CAMK2D: variants seen among roughly 807,000 people sequenced by gnomAD.
CAMK2D encodes the protein calcium/calmodulin-dependent protein kinase type II subunit delta.
CAMK2D carries 37 observed loss-of-function variants against 84.0 expected under a neutral mutation model. That is an observed-to-expected ratio of 0.44 (90% CI 0.34 to 0.58). The LOEUF (loss-of-function observed/expected upper bound fraction) is 0.58. CAMK2D is among the 20% of genes least tolerant of loss of function. The probability of loss-of-function intolerance (pLI) is 0.02; values close to 1 mark genes in which losing one functional copy is unlikely to be tolerated. For synonymous variants in CAMK2D, 202 were observed against 212.5 expected, an observed-to-expected ratio of 0.95 and a Z score of 0.43; for missense variants, 448 against 652.5, an observed-to-expected ratio of 0.69 and a Z score of 3.41.
At chr4:113,616,858 T>C (rs1262293505) in intron 3 of CAMK2D, among the ~76,000 whole-genome samples, 1 of 152,200 alleles carries the variant, frequency 6.6e-6, no homozygotes, top group African/African-American at 2.4e-5. Context: ...CTTTGTTTTC[T>C]TTGAAAAATA....
chr4:113,503,839 A>C (rs1274416375), intron 14 of CAMK2D, among the ~76,000 whole-genome samples: 1 of 152,216 alleles, frequency 6.6e-6, no homozygotes, highest in Non-Finnish European at 1.5e-5. Flanking sequence ...ATATGCATAC[A>C]TCAGTGACAT....
chr4:113,756,392 CAG>C (rs1479415589), intron 2 of CAMK2D, among the ~76,000 whole-genome samples: 1 of 151,926 alleles, frequency 6.6e-6, no homozygotes, highest in African/African-American at 2.4e-5. Context: ...CTTGGGTATA[CAG>C]AGTCATGGAA....
chr4:113,642,042 C>T (rs190199562), intron 3 of CAMK2D, among the ~76,000 whole-genome samples: 40 of 151,864 alleles, frequency 2.6e-4, no homozygotes, highest in African/African-American at 9.2e-4. Flanking sequence ...AAATAATAAA[C>T]AATAAATAAA....
intron 3 of CAMK2D, among the ~76,000 whole-genome samples, chr4:113,646,962 A>G (rs2099154487): frequency 6.6e-6 from 1 of 152,188 alleles, no homozygotes; most frequent in African/African-American, 2.4e-5. Context: ...TATTATCTCA[A>G]AAAATAATGT....
intron 6 of CAMK2D, among the ~76,000 whole-genome samples, chr4:113,537,773 G>A (rs1242416325): frequency 2.0e-5 from 3 of 152,124 alleles, no homozygotes; most frequent in Non-Finnish European, 2.9e-5. Flanking sequence ...ACTTGGCCAC[G>A]GACATTGACT....
intron 8 of CAMK2D, among the ~76,000 whole-genome samples, chr4:113,524,178 A>G (rs1160517084): frequency 6.6e-6 from 1 of 152,200 alleles, no homozygotes; most frequent in Non-Finnish European, 1.5e-5. Flanking sequence ...AGCCAGATGC[A>G]CAATTTTTAA....
chr4:113,627,482 T>C (rs2099072878), intron 3 of CAMK2D, among the ~76,000 whole-genome samples: 3 of 152,190 alleles, frequency 2.0e-5, no homozygotes. Context: ...CCTAGTTTTA[T>C]GTGTGTTTCT....
chr4:113,631,888 A>G (rs1469425896), intron 3 of CAMK2D, among the ~76,000 whole-genome samples: 1 of 151,580 alleles, frequency 6.6e-6, no homozygotes, highest in Non-Finnish European at 1.5e-5. Context: ...ATGTGTCCTT[A>G]TAGAGTTTAC....
chr4:113,520,306 G>A (rs897472401), intron 8 of CAMK2D, among the ~76,000 whole-genome samples: 2 of 152,074 alleles, frequency 1.3e-5, no homozygotes, highest in Non-Finnish European at 2.9e-5. Flanking sequence ...TACTCGGGAG[G>A]CTGAGGCAGG....
chr4:113,739,268 C>T (rs2099587714), intron 2 of CAMK2D, among the ~76,000 whole-genome samples: 1 of 152,054 alleles, frequency 6.6e-6, no homozygotes, highest in Admixed American at 6.6e-5. Flanking sequence ...AAACTAACCC[C>T]AGGTTTTAGT....
At chr4:113,694,399 G>GA (rs2099396867) in intron 2 of CAMK2D, among the ~76,000 whole-genome samples, 1 of 152,076 alleles carries the variant, frequency 6.6e-6, no homozygotes. Flanking sequence ...TAATAATTAA[G>GA]AAAAAAGGCA....
intron 2 of CAMK2D, among the ~76,000 whole-genome samples, chr4:113,671,965 T>C (rs1370300523): frequency 6.6e-6 from 1 of 152,240 alleles, no homozygotes; most frequent in African/African-American, 2.4e-5. Flanking sequence ...TTATTTGTAA[T>C]CTTTTCCTTA....
chr4:113,544,897 A>C (rs1467070916), intron 6 of CAMK2D, among the ~76,000 whole-genome samples: 1 of 151,466 alleles, frequency 6.6e-6, no homozygotes, highest in Non-Finnish European at 1.5e-5. Flanking sequence ...CACCACCCTG[A>C]CTCTTCTCCT....
rs1021966875 is a variant in CAMK2D, at chr4:113,747,905, T to A, written c.160+11415A>T. On this transcript the variant is annotated intron_variant, in intron 2 of 20. Coordinates refer to ENST00000511664, the MANE Select transcript of CAMK2D (RefSeq NM_001321571.2). The stretch of plus-strand genomic sequence containing the variant: ...TGCATGTTTCATGAAACTCTATACC[T>A]GATAAGTCTATCACCAAGAGTTAGA... Among the ~76,000 whole-genome samples the A allele has an allele frequency of 3.9e-5, 6 of 152,176 alleles. 1 individual carries two copies. The highest frequency in any genetic ancestry group is 1.3e-4 in the Admixed American group (2 of 15,280).
intron 4 of CAMK2D, among the ~76,000 whole-genome samples, chr4:113,599,440 C>T (rs896622427): frequency 2.6e-5 from 4 of 152,286 alleles, no homozygotes; most frequent in Non-Finnish European, 5.9e-5. Context: ...GTCAAGGTGT[C>T]TTTCATTGGG....
intron 3 of CAMK2D, among the ~76,000 whole-genome samples, chr4:113,647,987 A>G (rs150183888): frequency 1.5e-3 from 232 of 152,358 alleles, no homozygotes; most frequent in African/African-American, 5.0e-3. Context: ...TAAATGAGAA[A>G]TTATTTGGGA....
At chr4:113,756,971 CAAT>C (rs1450136164) in intron 2 of CAMK2D, among the ~76,000 whole-genome samples, 4 of 152,030 alleles carry the variant, frequency 2.6e-5, no homozygotes, top group East Asian at 1.9e-4. Context: ...TTCAGGAGAA[CAAT>C]AATAAGAGGT....
At chr4:113,759,467 A>C in intron 1 of CAMK2D, 53 bp from the exon 2 acceptor site, 1 of 1,067,546 alleles carries the variant, frequency 9.4e-7, no homozygotes, top group Non-Finnish European at 1.4e-6. Flanking sequence ...ATATTTCATT[A>C]AAAATTTATA....
intron 1 of CAMK2D, among the ~76,000 whole-genome samples, chr4:113,759,662 C>A (rs1304658824): frequency 6.6e-6 from 1 of 152,160 alleles, no homozygotes; most frequent in Non-Finnish European, 1.5e-5. Flanking sequence ...TATGACCGCT[C>A]TTGTTTGCAC....
Sources: allele counts gnomAD v4.1 joint callset (sites outside exome capture counted in the v4.1 genomes callset), GRCh38; gene constraint gnomAD v4.1.1; transcripts MANE v1.5; gene names NCBI Gene and HGNC (gene_info 2026-07-23, HGNC 2026-07-21).